Variants in CCNY observed in about 807,000 individuals in gnomAD.
CCNY encodes cyclin Y.
A neutral mutation model predicts 42.8 loss-of-function variants in CCNY; 19 were observed. The observed-to-expected ratio is 0.44, with a 90% confidence interval of 0.31 to 0.65. The LOEUF (loss-of-function observed/expected upper bound fraction) is 0.65. Among genes scored for constraint, CCNY ranks in the 30% least tolerant of loss-of-function variants. The pLI, the probability that CCNY is intolerant of heterozygous loss-of-function variation, is 0.07. For missense variants in CCNY, 370 were observed against 437.3 expected (o/e 0.85, Z 1.37); for synonymous variants, 165 against 162.7 (o/e 1.01, Z -0.11).
chr10:35,568,967 CA>C, intron 9 of CCNY, 86 bp from the exon 10 acceptor site: 1 of 844,476 alleles, frequency 1.2e-6, no homozygotes, highest in Non-Finnish European at 2.0e-6. Context: ...GCCTGTCCCT[CA>C]TGCAGCGCCC....
intron 2 of CCNY, among the ~76,000 whole-genome samples, chr10:35,493,257 G>T (rs1371147835): frequency 6.6e-6 from 1 of 152,154 alleles, no homozygotes; most frequent in South Asian, 2.1e-4. Flanking sequence ...ACATTGCTCA[G>T]TGAGCACAGA....
At chr10:35,441,042 A>G (rs1203675498) in intron 1 of CCNY, among the ~76,000 whole-genome samples, 2 of 152,128 alleles carry the variant, frequency 1.3e-5, no homozygotes, top group African/African-American at 2.4e-5. Flanking sequence ...AAGTGATTCT[A>G]TATTGTTAGC....
chr10:35,442,742 G>A (rs1367227089), intron 1 of CCNY, among the ~76,000 whole-genome samples: 3 of 152,126 alleles, frequency 2.0e-5, no homozygotes, highest in Non-Finnish European at 4.4e-5. Context: ...CTATTGATGT[G>A]GTTTGTGTTA....
In CCNY at chr10:35,465,938, A is replaced by AGAGAGT; in HGVS notation, c.155-17465_155-17464insAGAGTG. Among the ~76,000 whole-genome samples, 14 of 81,034 alleles carry AGAGAGT rather than the reference A, an allele frequency of 1.7e-4. No homozygotes were observed. In the South Asian group the frequency reaches 5.6e-3, roughly 32 times the overall value. The allele number at this position is 81,034 out of a possible 152,430, so 53.2% of individuals were successfully genotyped here. ...GAGAGAGAGAGAGAGAGAGAGAGAGAGTGTGTGTGTGTGTGTGTGTGTCTG... is the reference window on the plus strand; with the variant it reads ...GAGAGAGAGAGAGAGAGAGAGAGAGAGAGAGTGTGTGTGTGTGTGTGTGTGTGTCTG... On this transcript the variant is annotated intron_variant, in intron 1 of 9. Coordinates refer to ENST00000374704, the MANE Select transcript of CCNY (RefSeq NM_145012.6).
intron 1 of CCNY, 70 bp from the exon 2 acceptor site, chr10:35,483,334 T>C (rs970705210): frequency 5.9e-6 from 6 of 1,013,046 alleles, no homozygotes; most frequent in Admixed American, 4.1e-5. Context: ...TGAAAAATAA[T>C]TGAGTCAATC....
intron 3 of CCNY, among the ~76,000 whole-genome samples, chr10:35,320,176 C>T (rs1835804813): frequency 7.3e-6 from 1 of 136,602 alleles, no homozygotes; most frequent in Admixed American, 7.2e-5. Context: ...GAATACCTCA[C>T]TGAATACAGT....
At chr10:35,271,866 C>T (rs1835174884) in intron 3 of CCNY, among the ~76,000 whole-genome samples, 1 of 152,204 alleles carries the variant, frequency 6.6e-6, no homozygotes, top group Non-Finnish European at 1.5e-5. Context: ...ACTTGAGGTA[C>T]AATGCTGGCC....
At chr10:35,559,427 G>A (rs760369532) in intron 8 of CCNY, among the ~76,000 whole-genome samples, 4 of 152,230 alleles carry the variant, frequency 2.6e-5, no homozygotes, top group Non-Finnish European at 5.9e-5. Flanking sequence ...ACAGAAGGAG[G>A]AGGAATTATT....
chr10:35,423,475 C>CA (rs1209447381), intron 1 of CCNY, among the ~76,000 whole-genome samples: 14,440 of 99,906 alleles, frequency 0.14, 1,490 homozygotes, highest in African/African-American at 0.34. Context: ...GACCCTGTCT[C>CA]AAAAAAAAAA....
chr10:35,471,961 TA>T (rs1031990994), intron 1 of CCNY, among the ~76,000 whole-genome samples: 6 of 152,254 alleles, frequency 3.9e-5, no homozygotes, highest in Non-Finnish European at 8.8e-5. Context: ...ACCAAACTTT[TA>T]AACATCAATT....
intron 1 of CCNY, among the ~76,000 whole-genome samples, chr10:35,423,506 CT>C (rs1249915944): frequency 9.3e-4 from 130 of 140,000 alleles, no homozygotes; most frequent in Admixed American, 1.2e-3. Flanking sequence ...CTGAAAGAGG[CT>C]TTTTTTTTTT....
At chr10:35,498,709 G>A (rs1028444695) in intron 2 of CCNY, among the ~76,000 whole-genome samples, 3 of 152,114 alleles carry the variant, frequency 2.0e-5, no homozygotes, top group East Asian at 3.9e-4. Context: ...CGCGGAAGAC[G>A]CTCCAGAAGC....
chr10:35,372,009 A>G (rs1293166287), intron 1 of CCNY, among the ~76,000 whole-genome samples: 1 of 152,230 alleles, frequency 6.6e-6, no homozygotes, highest in Non-Finnish European at 1.5e-5. Context: ...GGATGCAGCA[A>G]CAAGGGCAGA....
chr10:35,330,923 C>T (rs185999320), intron 3 of CCNY, among the ~76,000 whole-genome samples: 15 of 152,252 alleles, frequency 9.9e-5, no homozygotes, highest in Non-Finnish European at 1.9e-4. Flanking sequence ...CCATGCCCGG[C>T]TAATTTTTGT....
chr10:35,345,711 C>A (rs777244413), intron 1 of CCNY, among the ~76,000 whole-genome samples: 5 of 152,168 alleles, frequency 3.3e-5, no homozygotes, highest in Admixed American at 3.3e-4. Context: ...ACAAAGACAT[C>A]AAAGCAGGCT....
intron 1 of CCNY, among the ~76,000 whole-genome samples, chr10:35,452,250 C>G (rs1441336054): frequency 6.6e-6 from 1 of 152,118 alleles, no homozygotes; most frequent in Non-Finnish European, 1.5e-5. Context: ...ACACTTGAGG[C>G]TCAAGTGATT....
At chr10:35,439,787 G>C (rs1318032540) in intron 1 of CCNY, among the ~76,000 whole-genome samples, 1 of 151,808 alleles carries the variant, frequency 6.6e-6, no homozygotes, top group African/African-American at 2.4e-5. Flanking sequence ...TTATGGCATT[G>C]CTCTGGCAGA....
intron 8 of CCNY, among the ~76,000 whole-genome samples, chr10:35,556,419 G>A (rs771505647): frequency 1.8e-4 from 27 of 152,156 alleles, no homozygotes; most frequent in East Asian, 9.6e-4. Context: ...GAGTCCTTGC[G>A]TGTTCAGATT....
chr10:35,473,130 A>G lies in CCNY; in HGVS notation c.155-10274A>G, dbSNP rs535297107. ...CATATTTTATTCTTCATTGTTCCCT[A>G]GCTGGTTCTGCACTCTGATGTGTCA... On this transcript the variant is annotated intron_variant, in intron 1 of 9. Transcript: ENST00000374704. Among the ~76,000 whole-genome samples the G allele has an allele frequency of 3.9e-5, 6 of 152,306 alleles. 1 individual carries two copies. The South Asian group carries it at 1.2e-3, about 32-fold the overall frequency.
Sources: gnomAD v4.1 joint callset for allele counts (sites outside exome capture counted in the v4.1 genomes callset) on GRCh38, gnomAD v4.1.1 for gene constraint, MANE v1.5 for transcripts, NCBI Gene and HGNC (gene_info 2026-07-23, HGNC 2026-07-21) for gene names.